The following COL4A4 variants were observed in gnomAD, a reference collection of about 807,000 sequenced individuals.
COL4A4 encodes the protein collagen type IV alpha 4 chain, also known as collagen alpha-4(IV) chain.
In COL4A4, 105 loss-of-function variants were observed where a neutral mutation model predicts 192.9. That is an observed-to-expected ratio of 0.54 (90% CI 0.46 to 0.64). The LOEUF (loss-of-function observed/expected upper bound fraction) is 0.64, where lower values mean the gene tolerates loss of function less well. Ranked by LOEUF, COL4A4 falls within the 30% of genes least tolerant of loss-of-function variation. The pLI is 0.00. For missense variants in COL4A4, 1,967 were observed against 2,169.3 expected, an observed-to-expected ratio of 0.91 and a Z score of 1.85; for synonymous variants, 762 against 769.9, an observed-to-expected ratio of 0.99 and a Z score of 0.17.
At position 227,008,309 on chromosome 2, in the gene COL4A4, G is replaced by A; in HGVS notation, c.4523-5C>T. On this transcript the variant is annotated splice_region_variant and splice_polypyrimidine_tract_variant and intron_variant, in intron 46 of 47. Transcript: ENST00000396625. ...GAAGGCAAGACCCTGCCAGACCTTG[G>A]GAAGGGAAGAAGAGACAGCTGGTGT... is the stretch of plus-strand genomic sequence containing the variant. 1 of 1,614,080 alleles carries A rather than the reference G, an allele frequency of 6.2e-7. No homozygotes were observed. Among genetic ancestry groups the A allele is most frequent in the Non-Finnish European group, 8.5e-7 (1 of 1,179,914 alleles).
chr2:227,112,075 C>T (rs919108826), intron 8 of COL4A4, among the ~76,000 whole-genome samples: 1 of 152,110 alleles, frequency 6.6e-6, no homozygotes, highest in Non-Finnish European at 1.5e-5. Flanking sequence ...TCTTGACCCC[C>T]TTGACTACCC....
intron 25 of COL4A4, among the ~76,000 whole-genome samples, chr2:227,069,979 G>C (rs1232151763): frequency 6.7e-6 from 1 of 150,050 alleles, no homozygotes; most frequent in African/African-American, 2.4e-5. Context: ...ATCTGACAAA[G>C]GGCTAATATC....
rs1440886472 is a variant in COL4A4, at chr2:227,114,669, C to T, written c.517G>A (p.Gly173Arg). ...LGHPGEKGEK[G>R]NSVFILGAVK... ...GCACCTAAAATGAACACTGAATTTC[C>T]TTTTTCTCCCTTTTCCCCAGGATGG... The change falls in exon 8 of 48, where the codon GGA (glycine) becomes AGA (arginine). Residue 173 changes from glycine to arginine, a missense_variant. Physicochemically the swap from Gly to Arg is moderately radical, Grantham distance 125 (BLOSUM62 -2). Coordinates refer to ENST00000396625, the MANE Select transcript of COL4A4 (RefSeq NM_000092.5). The T allele has an allele frequency of 6.2e-7, 1 of 1,613,864 alleles. No individual in the cohort carries two copies. The highest frequency in any genetic ancestry group is 2.2e-5 in the East Asian group (1 of 44,860).
intron 29 of COL4A4, 55 bp from the exon 30 acceptor site, chr2:227,056,170 A>G: frequency 1.3e-6 from 2 of 1,495,918 alleles, no homozygotes; most frequent in South Asian, 2.3e-5. Context: ...GGCTTCACAC[A>G]CAGCAGGAAA....
chr2:227,152,105 G>A (rs1186170773), intron 1 of COL4A4, among the ~76,000 whole-genome samples: 2 of 152,200 alleles, frequency 1.3e-5, no homozygotes, highest in Non-Finnish European at 2.9e-5. Context: ...CAGGAGTTGT[G>A]GAGCTGGCAG....
intron 44 of COL4A4, among the ~76,000 whole-genome samples, chr2:227,021,342 C>G (rs1245428386): frequency 6.6e-6 from 1 of 152,178 alleles, no homozygotes; most frequent in African/African-American, 2.4e-5. Context: ...CTAACAGCTC[C>G]TACTTCCTTC....
chr2:226,990,222 G>A, the COL4A4 span, among the ~76,000 whole-genome samples: 1 of 152,066 alleles, frequency 6.6e-6, no homozygotes, highest in Non-Finnish European at 1.5e-5. Context: ...GGTCTTTGAC[G>A]GTAAATGACT....
At chr2:227,150,186 G>C (rs2063832668) in intron 1 of COL4A4, among the ~76,000 whole-genome samples, 1 of 152,142 alleles carries the variant, frequency 6.6e-6, no homozygotes, top group Admixed American at 6.6e-5. Flanking sequence ...GACTAACTTT[G>C]ACTATAAGTG....
the COL4A4 span, among the ~76,000 whole-genome samples, chr2:226,992,418 A>G: frequency 2.6e-5 from 4 of 152,264 alleles, no homozygotes; most frequent in Non-Finnish European, 5.9e-5. Context: ...TCAGAGAGTA[A>G]GATGGCTTTT....
chr2:227,117,755 C>T (rs1460298774), intron 7 of COL4A4, among the ~76,000 whole-genome samples: 2 of 151,756 alleles, frequency 1.3e-5, no homozygotes, highest in Non-Finnish European at 1.5e-5. Flanking sequence ...TGGGGGGTAG[C>T]TCTTGCTCCA....
chr2:227,142,097 CAAAAAAAAA>C lies in COL4A4; in HGVS notation c.115-1868_115-1860del, dbSNP rs531488311. 2.3e-3 allele frequency among the ~76,000 whole-genome samples: 268 copies of C among 118,936 alleles called. 2 individuals carry two copies. The highest frequency in any genetic ancestry group is 7.7e-3 in the African/African-American group (248 of 32,322). The allele number at this position is 118,936 out of a possible 152,430, so 78.0% of individuals were successfully genotyped here. A position where few individuals can be genotyped will look rare whatever the true frequency, so the allele number is the denominator to read the frequency against. ...TCACTTTAAAATAGATTAGTAGATTCAAAAAAAAAAAAAAAAAAAAACAGGAATAGTCAC... is the reference window on the plus strand; with the variant it reads ...TCACTTTAAAATAGATTAGTAGATTCAAAAAAAAAAAACAGGAATAGTCAC... On this transcript the variant is annotated intron_variant, in intron 3 of 47. Coordinates refer to ENST00000396625, the MANE Select transcript of COL4A4 (RefSeq NM_000092.5).
chr2:227,059,365 G>A (rs758508840), intron 28 of COL4A4, 40 bp downstream of exon 28: 1 of 1,548,220 alleles, frequency 6.5e-7, no homozygotes, highest in Non-Finnish European at 8.9e-7. Flanking sequence ...CCAAAACTGA[G>A]CCAGCTCTAT....
chr2:227,047,384 T>C, intron 35 of COL4A4, 91 bp downstream of exon 35: 3 of 908,054 alleles, frequency 3.3e-6, no homozygotes, highest in South Asian at 2.8e-5. Flanking sequence ...TAAGAAAATA[T>C]TGATACGATC....
At chr2:227,015,147 T>C (rs4675136) in intron 44 of COL4A4, among the ~76,000 whole-genome samples, 73,153 of 151,836 alleles carry the variant, frequency 0.48, 18,025 homozygotes, top group African/African-American at 0.58. Context: ...GTTATCTGCC[T>C]ACCTCAGCCT....
chr2:226,996,008 T>G, the COL4A4 span: 1 of 157,928 alleles, frequency 6.3e-6, no homozygotes. Context: ...GGCCGAATGT[T>G]GTCCTACTCT....
intron 17 of COL4A4, 99 bp downstream of exon 17, chr2:227,101,405 A>T (rs2060514476): frequency 2.0e-6 from 2 of 1,001,970 alleles, no homozygotes; most frequent in Non-Finnish European, 1.5e-6. Flanking sequence ...TAAAAATTAC[A>T]TTCTTGAATG....
At chr2:227,150,162 G>A (rs1242863393) in intron 1 of COL4A4, among the ~76,000 whole-genome samples, 1 of 152,124 alleles carries the variant, frequency 6.6e-6, no homozygotes, top group Non-Finnish European at 1.5e-5. Context: ...TATTTAATAG[G>A]GGATATGAAA....
At chr2:227,152,156 C>T (rs2063993679) in intron 1 of COL4A4, among the ~76,000 whole-genome samples, 1 of 152,184 alleles carries the variant, frequency 6.6e-6, no homozygotes, top group Admixed American at 6.5e-5. Context: ...GGCCCTCATT[C>T]AGCCCCCAGA....
chr2:226,974,307 G>A, the COL4A4 span, among the ~76,000 whole-genome samples: 23 of 151,308 alleles, frequency 1.5e-4, no homozygotes, highest in African/African-American at 4.4e-4. Context: ...GTGTGATCTC[G>A]GCTCATTGCA....
Sources: gnomAD v4.1 joint callset for allele counts (sites outside exome capture counted in the v4.1 genomes callset) on GRCh38, gnomAD v4.1.1 for gene constraint, MANE v1.5 for transcripts, NCBI Gene and HGNC (gene_info 2026-07-23, HGNC 2026-07-21) for gene names.